PDE11A: variants seen among roughly 807,000 people sequenced by gnomAD.
The protein encoded by PDE11A is phosphodiesterase 11A, also known as dual 3',5'-cyclic-AMP and -GMP phosphodiesterase 11A.
In PDE11A, 100 loss-of-function variants were observed where a neutral mutation model predicts 100.5. That is an observed-to-expected ratio of 1.00 (90% CI 0.85 to 1.18). The LOEUF (loss-of-function observed/expected upper bound fraction) is 1.18, where lower values mean the gene tolerates loss of function less well. Ranked by LOEUF, PDE11A falls within the 50% of genes most tolerant of loss-of-function variation. PDE11A has a pLI of 0.00. For synonymous variants in PDE11A, 381 were observed against 420.8 expected, an observed-to-expected ratio of 0.91 and a Z score of 1.16; for missense variants, 1,141 against 1,152.6, an observed-to-expected ratio of 0.99 and a Z score of 0.15.
At position 177,751,713 on chromosome 2, in the gene PDE11A, C is replaced by A. The variant is rs117854507; in HGVS notation, c.1788+17610G>T. 3.3e-3 allele frequency among the ~76,000 whole-genome samples: 495 copies of A among 152,078 alleles called. 5 individuals are homozygous for A. In the East Asian group the frequency reaches 0.048, roughly 15 times the overall value. On this transcript the variant is annotated intron_variant, in intron 10 of 19. Transcript: ENST00000286063. ...ACAAAAATTTACTGATTAAGCAAGA[C>A]CAAAGAGAAAAATGAGATGACTTTA... is the stretch of plus-strand genomic sequence containing the variant.
chr2:177,873,084 T>C (rs1269400042), intron 5 of PDE11A, among the ~76,000 whole-genome samples: 1 of 152,198 alleles, frequency 6.6e-6, no homozygotes, highest in Non-Finnish European at 1.5e-5. Flanking sequence ...CCAAGAGCAG[T>C]CTAGGTCTTG....
At chr2:177,765,895 G>C (rs1012619858) in intron 10 of PDE11A, among the ~76,000 whole-genome samples, 3 of 152,216 alleles carry the variant, frequency 2.0e-5, no homozygotes, top group African/African-American at 7.2e-5. Flanking sequence ...CTGCATCCCA[G>C]ATGTGGTGCA....
At chr2:178,024,318 A>G (rs1422996440) in intron 1 of PDE11A, among the ~76,000 whole-genome samples, 3 of 152,140 alleles carry the variant, frequency 2.0e-5, no homozygotes, top group Non-Finnish European at 4.4e-5. Context: ...AGGCCGAGGC[A>G]GGAGAATTGC....
chr2:177,935,683 TG>T (rs2085263481), intron 2 of PDE11A, among the ~76,000 whole-genome samples: 1 of 152,092 alleles, frequency 6.6e-6, no homozygotes, highest in South Asian at 2.1e-4. Flanking sequence ...GCAGATCTGT[TG>T]GGGCAGGATG....
chr2:177,653,081 A>C (rs1368326065), intron 19 of PDE11A, among the ~76,000 whole-genome samples: 1 of 152,154 alleles, frequency 6.6e-6, no homozygotes, highest in Non-Finnish European at 1.5e-5. Context: ...TCCTGCAGGG[A>C]ATTGGTTCAT....
intron 1 of PDE11A, among the ~76,000 whole-genome samples, chr2:178,040,276 G>T (rs932615948): frequency 1.3e-4 from 20 of 151,968 alleles, no homozygotes; most frequent in Non-Finnish European, 4.4e-5. Flanking sequence ...TGTTGGTCTT[G>T]AACTCCTGAC....
At chr2:178,047,534 T>C (rs1559053582) in intron 1 of PDE11A, among the ~76,000 whole-genome samples, 1 of 150,624 alleles carries the variant, frequency 6.6e-6, no homozygotes, top group South Asian at 2.1e-4. Context: ...TAAAGATATA[T>C]AAAACAACAT....
intron 2 of PDE11A, among the ~76,000 whole-genome samples, chr2:177,929,937 T>TA (rs1164705786): frequency 1.3e-5 from 2 of 152,194 alleles, no homozygotes; most frequent in Non-Finnish European, 2.9e-5. Flanking sequence ...AGGATAAATA[T>TA]GATTATAATA....
At chr2:177,772,332 C>T (rs1182719429) in intron 9 of PDE11A, among the ~76,000 whole-genome samples, 1 of 151,984 alleles carries the variant, frequency 6.6e-6, no homozygotes, top group African/African-American at 2.4e-5. Context: ...AGATTAAATG[C>T]AATACTACAT....
At position 177,796,371 on chromosome 2, in the gene PDE11A, C is replaced by T. The variant is rs115157110; in HGVS notation, c.1737+20458G>A. On this transcript the variant is annotated intron_variant, in intron 9 of 19. Coordinates refer to ENST00000286063, the MANE Select transcript of PDE11A (RefSeq NM_016953.4). ...CAGGTATCTCAAATTCCCCCAGGTA[C>T]CCCAAATGCCCCAAGCCCATTGCCA... Among the ~76,000 whole-genome samples, 338 of 152,264 alleles carry T rather than the reference C, an allele frequency of 2.2e-3. 1 individual carries two copies. The highest frequency in any genetic ancestry group is 7.8e-3 in the African/African-American group (323 of 41,568).
chr2:177,992,440 GGTAAAC>G, intron 2 of PDE11A, among the ~76,000 whole-genome samples: 1 of 143,624 alleles, frequency 7.0e-6, no homozygotes, highest in Admixed American at 7.1e-5. Flanking sequence ...GTATATAGAT[GGTAAAC>G]AGAAGTTACC....
At chr2:177,987,563 A>G (rs2085955080) in intron 2 of PDE11A, among the ~76,000 whole-genome samples, 1 of 152,336 alleles carries the variant, frequency 6.6e-6, no homozygotes, top group South Asian at 2.1e-4. Context: ...CCACACTTTC[A>G]TATCCCTGCA....
intron 13 of PDE11A, among the ~76,000 whole-genome samples, chr2:177,701,724 A>T (rs2081200335): frequency 6.6e-6 from 1 of 152,196 alleles, no homozygotes; most frequent in Admixed American, 6.5e-5. Context: ...TTGACCTTCC[A>T]TAGGAGAAGA....
chr2:177,962,342 G>A (rs2085644932), intron 2 of PDE11A, among the ~76,000 whole-genome samples: 1 of 152,088 alleles, frequency 6.6e-6, no homozygotes, highest in South Asian at 2.1e-4. Context: ...GTCCACAAAT[G>A]TATCAATATC....
chr2:177,857,427 T>A (rs1358930024), intron 5 of PDE11A, among the ~76,000 whole-genome samples: 1 of 152,020 alleles, frequency 6.6e-6, no homozygotes, highest in African/African-American at 2.4e-5. Flanking sequence ...TTTGTAACTC[T>A]TTTTTCTACT....
At chr2:177,639,581 A>G (rs775867711) in intron 19 of PDE11A, among the ~76,000 whole-genome samples, 13 of 152,232 alleles carry the variant, frequency 8.5e-5, no homozygotes, top group Non-Finnish European at 1.3e-4. Flanking sequence ...AAACACATCT[A>G]GAATGAGCCA....
rs569406531 is a variant in PDE11A, at chr2:178,035,747, C to A, written c.913-21287G>T. ...CATACACAAATCAATAAATGTAATCCATCACATAAACAGAACCAATGACAA... is the reference window on the plus strand; with the variant it reads ...CATACACAAATCAATAAATGTAATCAATCACATAAACAGAACCAATGACAA... On this transcript the variant is annotated intron_variant, in intron 1 of 19. Coordinates refer to ENST00000286063, the MANE Select transcript of PDE11A (RefSeq NM_016953.4). 1.4e-4 allele frequency among the ~76,000 whole-genome samples: 22 copies of A among 152,234 alleles called. No individual in the cohort carries two copies. In the Middle Eastern group the frequency reaches 0.01, roughly 71 times the overall value.
At chr2:177,865,657 A>G (rs751814362) in intron 5 of PDE11A, among the ~76,000 whole-genome samples, 3 of 152,240 alleles carry the variant, frequency 2.0e-5, no homozygotes, top group Non-Finnish European at 2.9e-5. Context: ...ACAATGGAAT[A>G]TTATTCATCC....
At chr2:177,948,968 T>C (rs2085475606) in intron 2 of PDE11A, among the ~76,000 whole-genome samples, 1 of 152,186 alleles carries the variant, frequency 6.6e-6, no homozygotes, top group South Asian at 2.1e-4. Context: ...GTCTTAATCT[T>C]TTTGCATGGC....
Sources: gnomAD v4.1 joint callset for allele counts (sites outside exome capture counted in the v4.1 genomes callset) on GRCh38, gnomAD v4.1.1 for gene constraint, MANE v1.5 for transcripts, NCBI Gene and HGNC (gene_info 2026-07-23, HGNC 2026-07-21) for gene names.